The following GCA variants were observed in gnomAD, a reference collection of about 807,000 sequenced individuals.
The protein encoded by GCA is grancalcin.
In GCA, 30 loss-of-function variants were observed where a neutral mutation model predicts 32.6. The ratio of observed to expected loss-of-function variants is 0.92; its 90% CI spans 0.69 to 1.25. The LOEUF is 1.25. Ranked by LOEUF, GCA falls within the 50% of genes most tolerant of loss-of-function variation. The probability of loss-of-function intolerance (pLI) is 0.00; values close to 1 mark genes in which losing one functional copy is unlikely to be tolerated. For synonymous variants in GCA, 102 were observed against 84.6 expected (o/e 1.21, Z -1.13); for missense variants, 291 against 266.8 (o/e 1.09, Z -0.63).
At chr2:162,323,680 G>T (rs1218040160) in intron 1 of GCA, among the ~76,000 whole-genome samples, 1 of 151,810 alleles carries the variant, frequency 6.6e-6, no homozygotes, top group Non-Finnish European at 1.5e-5. Flanking sequence ...TTTCCCCATT[G>T]CTTGTTTTTC....
chr2:162,364,220 A>T (rs796411502), downstream of GCA, among the ~76,000 whole-genome samples: 6 of 151,660 alleles, frequency 4.0e-5, no homozygotes, highest in African/African-American at 1.4e-4. Flanking sequence ...TTATTGAATC[A>T]AATTTCATTT....
intron 1 of GCA, 34 bp downstream of exon 1, chr2:162,344,309 C>G: frequency 6.2e-7 from 1 of 1,609,874 alleles, no homozygotes; most frequent in Non-Finnish European, 8.5e-7. Flanking sequence ...GTCCCTCTTC[C>G]TCGCGGGGTG....
At chr2:162,345,541 C>T (rs1684657362) in intron 1 of GCA, among the ~76,000 whole-genome samples, 1 of 152,168 alleles carries the variant, frequency 6.6e-6, no homozygotes, top group African/African-American at 2.4e-5. Flanking sequence ...TCCTTACCCA[C>T]TTTTGTCAGA....
chr2:162,340,476 T>C (rs1395691328), upstream of GCA, among the ~76,000 whole-genome samples: 1 of 152,220 alleles, frequency 6.6e-6, no homozygotes, highest in Admixed American at 6.5e-5. Context: ...TAGGTCACCA[T>C]CATCTCTAGA....
intron 2 of GCA, among the ~76,000 whole-genome samples, chr2:162,350,710 T>G (rs531757543): frequency 1.3e-5 from 2 of 152,326 alleles, no homozygotes; most frequent in South Asian, 4.1e-4. Flanking sequence ...TCGCTATGTT[T>G]GAACTATTTG....
At chr2:162,345,141 G>A (rs1684632981) in intron 1 of GCA, among the ~76,000 whole-genome samples, 1 of 151,716 alleles carries the variant, frequency 6.6e-6, no homozygotes, top group Non-Finnish European at 1.5e-5. Flanking sequence ...GGTGGTTGTG[G>A]TTGTGGTTGT....
intron 5 of GCA, 99 bp downstream of exon 5, chr2:162,357,004 A>G (rs1685314075): frequency 9.6e-6 from 8 of 834,384 alleles, no homozygotes; most frequent in Non-Finnish European, 1.1e-5. Context: ...AAAGGGATGT[A>G]TTTTTTTGCC....
rs34401859 is a variant in GCA at position 162,332,322 on chromosome 2, AATAT to A, written c.-31+13111_-31+13114del. Among the ~76,000 whole-genome samples, 34 of 136,912 alleles carry A rather than the reference AATAT, an allele frequency of 2.5e-4. 1 individual carries two copies. Among genetic ancestry groups the A allele is most frequent in the East Asian group, 1.4e-3 (7 of 4,888 alleles). 89.8% of individuals were successfully genotyped at this position (136,912 alleles called of 152,430 possible). ...AGACTCCATCTCAAAAAAAAAAAAA[AATAT>A]ATATATATATATAATATATAATATT... On this transcript the variant is annotated intron_variant, in intron 1 of 4. Transcript: ENST00000429691.
chr2:162,360,387 C>T lies in GCA; in HGVS notation c.*144C>T. ...CCCTTTCTGTGTGTTTTTATTTTAG[C>T]AGATAGTTCAAAGCAATAAAAGATT... On this transcript the variant is annotated 3_prime_UTR_variant, in exon 8 of 8. Transcript: ENST00000437150. 1.5e-6 allele frequency: 2 copies of T among 1,344,386 alleles called. No homozygotes were observed. Among genetic ancestry groups the T allele is most frequent in the Non-Finnish European group, 1.9e-6 (2 of 1,036,974 alleles). The allele number at this position is 1,344,386 out of a possible 1,614,324, so 83.3% of individuals were successfully genotyped here. A position where few individuals can be genotyped will look rare whatever the true frequency, so the allele number is the denominator to read the frequency against.
chr2:162,369,312 T>C (rs1450588179), intron 4 of GCA, among the ~76,000 whole-genome samples: 1 of 152,134 alleles, frequency 6.6e-6, no homozygotes, highest in Non-Finnish European at 1.5e-5. Context: ...TCTTCTGACA[T>C]TTATGCCCAA....
downstream of GCA, chr2:162,371,719 A>T: frequency 9.4e-7 from 1 of 1,058,572 alleles, no homozygotes; most frequent in Non-Finnish European, 1.3e-6. Context: ...ACTTTTGCAT[A>T]TAATGGTACC....
At chr2:162,331,330 A>G (rs75629719) in intron 1 of GCA, among the ~76,000 whole-genome samples, 14,253 of 152,292 alleles carry the variant, frequency 0.094, 1,496 homozygotes, top group Admixed American at 0.23. Flanking sequence ...TTGATTATTT[A>G]GGGGTTACAA....
Position 162,330,444 on chromosome 2 carries a change from C to G in GCA, c.-31+11219C>G, listed in dbSNP as rs373210427. 3.3e-5 allele frequency among the ~76,000 whole-genome samples: 5 copies of G among 152,088 alleles called. No individual in the cohort carries two copies. In the East Asian group the frequency reaches 5.8e-4, roughly 18 times the overall value. On this transcript the variant is annotated intron_variant, in intron 1 of 4. Transcript: ENST00000429691. Reference sequence around the variant, plus strand: ...ATGAATATTAAAATAAAAGAATGACCCAAAGGATGCTACAAACTTGCTTTC... The same window carrying G: ...ATGAATATTAAAATAAAAGAATGACGCAAAGGATGCTACAAACTTGCTTTC...
In GCA at chr2:162,336,330, A is replaced by T. The variant is rs546266939; in HGVS notation, c.-30-11248A>T. Reference sequence around the variant, plus strand: ...TTTATTTAAAATAATGTACAGAAAGATATTTCACATAGGAAATCAAATACA... The same window carrying T: ...TTTATTTAAAATAATGTACAGAAAGTTATTTCACATAGGAAATCAAATACA... On this transcript the variant is annotated intron_variant, in intron 1 of 4. Transcript: ENST00000429691. Among the ~76,000 whole-genome samples, 8 of 152,356 alleles carry T rather than the reference A, an allele frequency of 5.3e-5. No individual in the cohort carries two copies. In the East Asian group the frequency reaches 1.5e-3, roughly 29 times the overall value.
chr2:162,346,352 G>A (rs1174166120), intron 1 of GCA, among the ~76,000 whole-genome samples: 1 of 152,176 alleles, frequency 6.6e-6, no homozygotes, highest in Non-Finnish European at 1.5e-5. Flanking sequence ...CCAATTTGCA[G>A]CATTAGCTTT....
chr2:162,334,208 T>C (rs1395747576), intron 1 of GCA, among the ~76,000 whole-genome samples: 1 of 152,166 alleles, frequency 6.6e-6, no homozygotes, highest in East Asian at 1.9e-4. Flanking sequence ...CTTAACTGCA[T>C]TGGAACAAAT....
chr2:162,370,562 G>T (rs1207565156), intron 4 of GCA, among the ~76,000 whole-genome samples: 1 of 152,034 alleles, frequency 6.6e-6, no homozygotes, highest in Non-Finnish European at 1.5e-5. Context: ...ATGTATAATA[G>T]ATTTTTATTT....
chr2:162,360,094 G>A (rs78747092), intron 7 of GCA, 123 bp from the exon 8 acceptor site: 2 of 618,334 alleles, frequency 3.2e-6, no homozygotes, highest in Non-Finnish European at 5.6e-6. Flanking sequence ...TTATTGGCTT[G>A]AATTATAAGC....
rs1684694041 is a variant in GCA at position 162,346,109 on chromosome 2, TTTTTC to T, written c.28-1465_28-1461del. Among the ~76,000 whole-genome samples the T allele has an allele frequency of 4.6e-5, 7 of 152,310 alleles. No individual in the cohort carries two copies. In the South Asian group the frequency reaches 1.2e-3, roughly 27 times the overall value. ...AAATTATAACTCAATGTAAAGGACTTTTTTCTTTGTTTCTCACTTTGGTCACAGGA... is the reference window on the plus strand; with the variant it reads ...AAATTATAACTCAATGTAAAGGACTTTTTGTTTCTCACTTTGGTCACAGGA... On this transcript the variant is annotated intron_variant, in intron 1 of 7. Coordinates refer to ENST00000437150, the MANE Select transcript of GCA (RefSeq NM_012198.5).
Sources: gnomAD v4.1 joint callset for allele counts (sites outside exome capture counted in the v4.1 genomes callset) on GRCh38, gnomAD v4.1.1 for gene constraint, MANE v1.5 for transcripts, NCBI Gene and HGNC (gene_info 2026-07-23, HGNC 2026-07-21) for gene names.